RNF150: variants seen among roughly 807,000 people sequenced by gnomAD.
RNF150 encodes ring finger protein 150.
A neutral mutation model predicts 39.3 loss-of-function variants in RNF150; 24 were observed. That is an observed-to-expected ratio of 0.61 (90% confidence interval 0.44 to 0.86). RNF150 has a LOEUF of 0.86. Among genes scored for constraint, RNF150 ranks in the 40% least tolerant of loss-of-function variants. The pLI, the probability that RNF150 is intolerant of heterozygous loss-of-function variation, is 0.00. For missense variants in RNF150, 502 were observed against 587.8 expected (o/e 0.85, Z 1.51); for synonymous variants, 255 against 227.3 (o/e 1.12, Z -1.10).
chr4:141,088,697 A>ACACC (rs905492948), intron 1 of RNF150, among the ~76,000 whole-genome samples: 2 of 151,746 alleles, frequency 1.3e-5, no homozygotes, highest in Admixed American at 6.6e-5. Context: ...ACACACACAC[A>ACACC]CACACACACA....
intron 1 of RNF150, among the ~76,000 whole-genome samples, chr4:141,161,888 T>C (rs757402065): frequency 6.6e-6 from 1 of 152,206 alleles, no homozygotes; most frequent in Non-Finnish European, 1.5e-5. Flanking sequence ...TCAGAGGATG[T>C]ATGGAAAAGC....
At chr4:141,155,059 A>G (rs907045925) in intron 1 of RNF150, among the ~76,000 whole-genome samples, 2 of 152,040 alleles carry the variant, frequency 1.3e-5, no homozygotes, top group Admixed American at 6.6e-5. Flanking sequence ...TGTGAGATCT[A>G]TACATTTGGA....
chr4:140,953,844 T>C (rs905175094), intron 2 of RNF150, among the ~76,000 whole-genome samples: 2 of 152,204 alleles, frequency 1.3e-5, no homozygotes, highest in Non-Finnish European at 2.9e-5. Context: ...CTTAATGAAA[T>C]GGCCCAAATA....
chr4:140,913,024 A>G (rs1730674564), intron 5 of RNF150, among the ~76,000 whole-genome samples: 1 of 151,654 alleles, frequency 6.6e-6, no homozygotes, highest in African/African-American at 2.4e-5. Flanking sequence ...CTGTAATCCC[A>G]GCACTTTGGG....
intron 1 of RNF150, among the ~76,000 whole-genome samples, chr4:141,010,406 C>A (rs1330839658): frequency 6.6e-6 from 1 of 152,050 alleles, no homozygotes; most frequent in African/African-American, 2.4e-5. Context: ...CAACTTATGC[C>A]AAAGGTTTTA....
At chr4:141,192,578 A>G (rs1331595680) in intron 1 of RNF150, among the ~76,000 whole-genome samples, 2 of 152,184 alleles carry the variant, frequency 1.3e-5, no homozygotes, top group Non-Finnish European at 2.9e-5. Context: ...GACACAACAG[A>G]GACTCTCAGA....
intron 1 of RNF150, among the ~76,000 whole-genome samples, chr4:141,206,398 G>A (rs568662170): frequency 8.3e-6 from 1 of 119,988 alleles, no homozygotes; most frequent in African/African-American, 3.2e-5. Flanking sequence ...CAGCCCGGGT[G>A]ACAACAATGA....
At chr4:141,183,323 A>G (rs188018680) in intron 1 of RNF150, among the ~76,000 whole-genome samples, 46 of 152,150 alleles carry the variant, frequency 3.0e-4, no homozygotes, top group African/African-American at 8.4e-4. Flanking sequence ...ATTGTCCCCA[A>G]TTATCCCCAT....
At chr4:141,079,751 T>C (rs1738078720) in intron 1 of RNF150, among the ~76,000 whole-genome samples, 1 of 152,210 alleles carries the variant, frequency 6.6e-6, no homozygotes, top group Non-Finnish European at 1.5e-5. Flanking sequence ...TAACACCTCC[T>C]AGCAGAACTG....
Position 141,152,904 on chromosome 4 carries a change from T to G in RNF150, c.-6+59890A>C, listed in dbSNP as rs1727324671. On this transcript the variant is annotated intron_variant, in intron 1 of 7. Transcript: ENST00000420921. ...TATGCAGGTTTTTTACATATGTAAA[T>G]GTGTGTCATGGTGGTTTGCTGCACC... Among the ~76,000 whole-genome samples the G allele has an allele frequency of 2.0e-5, 3 of 152,194 alleles. No individual in the cohort carries two copies. The South Asian group carries it at 6.2e-4, about 32-fold the overall frequency.
intron 1 of RNF150, among the ~76,000 whole-genome samples, chr4:140,973,874 TAAAAAAAAAAAA>T (rs566506401): frequency 9.0e-6 from 1 of 110,540 alleles, no homozygotes; most frequent in Non-Finnish European, 1.8e-5. Context: ...AGACTCTGTT[TAAAAAAAAAAAA>T]AAAAAAAAAA....
At chr4:140,952,045 G>A (rs1453690367) in intron 2 of RNF150, among the ~76,000 whole-genome samples, 2 of 151,958 alleles carry the variant, frequency 1.3e-5, no homozygotes, top group Non-Finnish European at 2.9e-5. Flanking sequence ...GTCTCGTACT[G>A]TCTACCCAGG....
intron 5 of RNF150, among the ~76,000 whole-genome samples, chr4:140,918,207 G>C (rs1730928961): frequency 6.6e-6 from 1 of 152,126 alleles, no homozygotes; most frequent in Non-Finnish European, 1.5e-5. Flanking sequence ...AGAACTGAAG[G>C]AAATAGAGAC....
chr4:141,017,301 C>G (rs1384431363), intron 1 of RNF150, among the ~76,000 whole-genome samples: 1 of 152,088 alleles, frequency 6.6e-6, no homozygotes, highest in Non-Finnish European at 1.5e-5. Context: ...GATTTGAGAT[C>G]ACCTTAGACA....
intron 1 of RNF150, among the ~76,000 whole-genome samples, chr4:141,185,012 ATT>A (rs33941568): frequency 6.6e-6 from 1 of 150,954 alleles, no homozygotes; most frequent in African/African-American, 2.4e-5. Flanking sequence ...ATACAGGCTC[ATT>A]TTTTTTTGTT....
chr4:141,191,912 C>CCGGCCA (rs1402803384), intron 1 of RNF150, among the ~76,000 whole-genome samples: 5 of 26,224 alleles, frequency 1.9e-4, no homozygotes, highest in African/African-American at 3.9e-4. Context: ...CATCATTTTT[C>CCGGCCA]CTGCCACTTT....
At chr4:140,927,000 A>G (rs1225639070) in intron 4 of RNF150, among the ~76,000 whole-genome samples, 1 of 152,130 alleles carries the variant, frequency 6.6e-6, no homozygotes, top group Admixed American at 6.5e-5. Flanking sequence ...CAATGGAGCA[A>G]TGTTCTTGAA....
intron 1 of RNF150, among the ~76,000 whole-genome samples, chr4:141,110,014 T>C (rs3913899): frequency 0.85 from 128,903 of 152,126 alleles, 54,747 homozygotes; most frequent in East Asian, 1. Context: ...TATGAGAGAC[T>C]AAGGACCAGG....
rs527778959 is a variant in RNF150, at chr4:141,162,536, C to G, written c.-6+50258G>C. On this transcript the variant is annotated intron_variant, in intron 1 of 7. Transcript: ENST00000420921. ...TGGCAAGATGGCTGAATAGGAACAG[C>G]TCCTGTCTGCAGCTCCCAGCAAGAC... Among the ~76,000 whole-genome samples the G allele has an allele frequency of 3.0e-4, 46 of 152,152 alleles. No individual in the cohort carries two copies. In the South Asian group the frequency reaches 9.4e-3, roughly 31 times the overall value.
Sources: gnomAD v4.1 joint callset for allele counts (sites outside exome capture counted in the v4.1 genomes callset) on GRCh38, gnomAD v4.1.1 for gene constraint, MANE v1.5 for transcripts, NCBI Gene and HGNC (gene_info 2026-07-23, HGNC 2026-07-21) for gene names.